RNGTT: variants seen among roughly 807,000 people sequenced by gnomAD.
RNGTT encodes mRNA-capping enzyme.
RNGTT carries 33 observed loss-of-function variants against 79.3 expected under a neutral mutation model. The observed-to-expected ratio is 0.42, with a 90% CI of 0.32 to 0.56. The LOEUF (loss-of-function observed/expected upper bound fraction) is 0.56. Ranked by LOEUF, RNGTT falls within the 20% of genes least tolerant of loss-of-function variation. The pLI, the probability that RNGTT is intolerant of heterozygous loss-of-function variation, is 0.17. For synonymous variants in RNGTT, 222 were observed against 235.9 expected (o/e 0.94, Z 0.54); for missense variants, 497 against 739.1 (o/e 0.67, Z 3.80).
chr6:88,723,260 T>A (rs1027104237), intron 13 of RNGTT, among the ~76,000 whole-genome samples: 2 of 152,218 alleles, frequency 1.3e-5, no homozygotes, highest in Non-Finnish European at 2.9e-5. Context: ...TGTGTTTGTG[T>A]CTTATGTGGA....
intron 13 of RNGTT, among the ~76,000 whole-genome samples, chr6:88,699,135 G>A (rs1023298396): frequency 1.3e-5 from 2 of 152,136 alleles, no homozygotes; most frequent in Non-Finnish European, 2.9e-5. Flanking sequence ...ATTAGATGAT[G>A]AACTTCTGAA....
chr6:88,632,887 G>A (rs1275499822), intron 14 of RNGTT, among the ~76,000 whole-genome samples: 1 of 152,130 alleles, frequency 6.6e-6, no homozygotes, highest in Non-Finnish European at 1.5e-5. Context: ...ATCAGACCCC[G>A]TCTCATGGCT....
rs918833066 is a variant in RNGTT, at chr6:88,929,092, T to C, written c.279-19A>G. The C allele has an allele frequency of 6.3e-7, 1 of 1,597,262 alleles. No homozygotes were observed. Among genetic ancestry groups the C allele is most frequent in the African/African-American group, 1.4e-5 (1 of 73,632 alleles). ...ACCATGTCTAGTAATATAGAAAAAG[T>C]TTTTTTGAAAAAAGAGATTACAAAT... On this transcript the variant is annotated intron_variant, in intron 3 of 15. Coordinates refer to ENST00000369485, the MANE Select transcript of RNGTT (RefSeq NM_003800.5).
intron 11 of RNGTT, among the ~76,000 whole-genome samples, chr6:88,803,576 CAAA>C (rs146140117): frequency 0.22 from 12,193 of 54,748 alleles, 304 homozygotes; most frequent in Middle Eastern, 0.33. Flanking sequence ...GACTCCATCT[CAAA>C]AAAAAAAAAA....
chr6:88,922,204 TCTTA>T (rs1442625033), intron 4 of RNGTT, among the ~76,000 whole-genome samples: 2 of 151,966 alleles, frequency 1.3e-5, no homozygotes, highest in Admixed American at 6.5e-5. Context: ...TGGGCCCAGC[TCTTA>T]CTATTATTTT....
rs202128780 is a variant in RNGTT at position 88,814,790 on chromosome 6, T to TA, written c.1270-13159dup. Among the ~76,000 whole-genome samples, 680 of 151,932 alleles carry TA rather than the reference T, an allele frequency of 4.5e-3. 2 individuals are homozygous for TA. Among genetic ancestry groups the TA allele is most frequent in the African/African-American group, 0.016 (643 of 41,456 alleles). The stretch of plus-strand genomic sequence containing the variant: ...ATGAGGGAGAAAAAGTAGAGAGATT[T>TA]AAAAAAAAGGAAAAGGCTAAATAGT... On this transcript the variant is annotated intron_variant, in intron 11 of 15. Transcript: ENST00000369485.
intron 7 of RNGTT, 140 bp from the exon 8 acceptor site, chr6:88,890,736 G>A (rs1297439528): frequency 1.2e-5 from 6 of 501,846 alleles, no homozygotes; most frequent in Admixed American, 4.0e-5. Flanking sequence ...AATAACATCC[G>A]CTTTCACAAA....
At chr6:88,950,244 C>G (rs1359469634) in intron 1 of RNGTT, among the ~76,000 whole-genome samples, 3 of 152,192 alleles carry the variant, frequency 2.0e-5, no homozygotes, top group Non-Finnish European at 4.4e-5. Flanking sequence ...TGCACCTAGG[C>G]ACCCAAGAAC....
chr6:88,649,848 T>C (rs1432031326), intron 14 of RNGTT, among the ~76,000 whole-genome samples: 1 of 152,214 alleles, frequency 6.6e-6, no homozygotes, highest in Non-Finnish European at 1.5e-5. Context: ...GGATGTTAAC[T>C]GTCCTGGCCA....
intron 1 of RNGTT, among the ~76,000 whole-genome samples, chr6:88,946,683 C>G (rs1165102773): frequency 6.6e-6 from 1 of 151,916 alleles, no homozygotes; most frequent in East Asian, 1.9e-4. Context: ...TCCCTCTCCC[C>G]ACGGTCTCCC....
intron 2 of RNGTT, among the ~76,000 whole-genome samples, chr6:88,934,987 A>G (rs546719526): frequency 1.3e-5 from 2 of 152,334 alleles, no homozygotes; most frequent in South Asian, 4.1e-4. Flanking sequence ...TCTTAGCCAT[A>G]AAATTGTTAC....
intron 13 of RNGTT, among the ~76,000 whole-genome samples, chr6:88,748,751 C>T (rs555689202): frequency 6.2e-4 from 93 of 151,160 alleles, no homozygotes; most frequent in African/African-American, 2.2e-3. Flanking sequence ...AAGTGAAATG[C>T]CGGAAGCAAA....
intron 8 of RNGTT, among the ~76,000 whole-genome samples, chr6:88,867,137 A>C (rs1232749928): frequency 1.3e-5 from 2 of 152,202 alleles, no homozygotes; most frequent in African/African-American, 4.8e-5. Flanking sequence ...TGTGAGAAGC[A>C]CTAGACTAAA....
intron 10 of RNGTT, among the ~76,000 whole-genome samples, chr6:88,848,138 A>C (rs149385598): frequency 6.6e-6 from 1 of 152,184 alleles, no homozygotes; most frequent in East Asian, 1.9e-4. Flanking sequence ...TAATCAAGGA[A>C]AAGCAAATTA....
intron 8 of RNGTT, among the ~76,000 whole-genome samples, chr6:88,854,241 A>C (rs1486855301): frequency 6.6e-6 from 1 of 151,966 alleles, no homozygotes; most frequent in Non-Finnish European, 1.5e-5. Context: ...ACAAATAATA[A>C]TTTTTTTAAC....
chr6:88,701,139 AAAGAAG>A (rs900248185), intron 13 of RNGTT, among the ~76,000 whole-genome samples: 11 of 152,046 alleles, frequency 7.2e-5, no homozygotes, highest in African/African-American at 1.9e-4. Context: ...AAGAAAGAAT[AAAGAAG>A]AAGAAGAAGA....
At chr6:88,687,754 A>G (rs1333183413) in intron 13 of RNGTT, among the ~76,000 whole-genome samples, 7 of 152,202 alleles carry the variant, frequency 4.6e-5, no homozygotes, top group African/African-American at 1.4e-4. Context: ...TCTTTGTACA[A>G]AGGAATTACA....
intron 8 of RNGTT, among the ~76,000 whole-genome samples, chr6:88,860,977 G>T (rs1781997070): frequency 1.3e-5 from 2 of 151,960 alleles, no homozygotes; most frequent in African/African-American, 4.8e-5. Flanking sequence ...CATAATACTA[G>T]CCCTTTACCT....
chr6:88,777,944 C>G (rs1778943974), intron 12 of RNGTT, among the ~76,000 whole-genome samples: 1 of 152,064 alleles, frequency 6.6e-6, no homozygotes, highest in African/African-American at 2.4e-5. Flanking sequence ...CATAAATGGC[C>G]TTTGTGTTGA....
Sources: allele counts gnomAD v4.1 joint callset (sites outside exome capture counted in the v4.1 genomes callset), GRCh38; gene constraint gnomAD v4.1.1; transcripts MANE v1.5; gene names NCBI Gene and HGNC (gene_info 2026-07-23, HGNC 2026-07-21).